The following EEFSEC variants were observed in gnomAD, a reference collection of about 807,000 sequenced individuals.
The protein encoded by EEFSEC is selenocysteine-specific elongation factor.
EEFSEC carries 43 observed loss-of-function variants against 42.1 expected under a neutral mutation model. The observed-to-expected ratio is 1.02, with a 90% confidence interval of 0.80 to 1.32. The LOEUF (loss-of-function observed/expected upper bound fraction) is 1.32. Ranked by LOEUF, EEFSEC falls within the 40% of genes most tolerant of loss-of-function variation. The pLI, the probability that EEFSEC is intolerant of heterozygous loss-of-function variation, is 0.00. For synonymous variants in EEFSEC, 354 were observed against 339.1 expected (o/e 1.04, Z -0.48); for missense variants, 745 against 803.6 (o/e 0.93, Z 0.88).
chr3:128,363,134 C>T (rs542373477), intron 6 of EEFSEC, among the ~76,000 whole-genome samples: 33 of 152,322 alleles, frequency 2.2e-4, no homozygotes, highest in African/African-American at 7.7e-4. Context: ...CGCTGTACAG[C>T]TGAGGAGACT....
intron 6 of EEFSEC, among the ~76,000 whole-genome samples, chr3:128,390,814 C>T (rs1265353229): frequency 2.0e-5 from 3 of 152,232 alleles, no homozygotes; most frequent in South Asian, 4.1e-4. Flanking sequence ...ATGATCACCC[C>T]GGCTCCATCT....
At chr3:128,253,403 T>G (rs1268911628) in intron 2 of EEFSEC, among the ~76,000 whole-genome samples, 1 of 152,174 alleles carries the variant, frequency 6.6e-6, no homozygotes, top group Non-Finnish European at 1.5e-5. Context: ...TCTGGACTCC[T>G]GCAGACCAGC....
At chr3:128,232,234 A>G (rs1473081420) in intron 1 of EEFSEC, among the ~76,000 whole-genome samples, 3 of 152,214 alleles carry the variant, frequency 2.0e-5, no homozygotes, top group Non-Finnish European at 2.9e-5. Flanking sequence ...TACTCACTGC[A>G]TGAAATAGAC....
intron 4 of EEFSEC, among the ~76,000 whole-genome samples, chr3:128,278,679 C>T (rs909911375): frequency 2.6e-5 from 4 of 152,200 alleles, no homozygotes; most frequent in Admixed American, 6.5e-5. Flanking sequence ...GTTATAATTC[C>T]GATGCTTTAA....
chr3:128,368,444 C>CAAAA (rs531725881), intron 6 of EEFSEC, among the ~76,000 whole-genome samples: 1 of 46,468 alleles, frequency 2.2e-5, no homozygotes, highest in African/African-American at 1.1e-4. Flanking sequence ...CCAAAAAAAA[C>CAAAA]AAAAAAAAAA....
chr3:128,260,285 CTT>C lies in EEFSEC; in HGVS notation c.525-1841_525-1840del, dbSNP rs202060068. Among the ~76,000 whole-genome samples the C allele has an allele frequency of 4.6e-3, 694 of 152,264 alleles. 4 individuals are homozygous for C. Among genetic ancestry groups the C allele is most frequent in the African/African-American group, 0.015 (609 of 41,524 alleles). On this transcript the variant is annotated intron_variant, in intron 2 of 6. Transcript: ENST00000254730. ...TCTTTCTTGATGGCTTCAAGATTCT[CTT>C]TGTCTTTGGCCTTCAACAGTTAGAT...
intron 4 of EEFSEC, among the ~76,000 whole-genome samples, chr3:128,326,924 G>A (rs2067069842): frequency 6.6e-6 from 1 of 152,180 alleles, no homozygotes; most frequent in African/African-American, 2.4e-5. Context: ...CCAAACCCTT[G>A]TTCTATGCGC....
At chr3:128,204,883 C>A (rs2065677103) in intron 1 of EEFSEC, among the ~76,000 whole-genome samples, 1 of 152,142 alleles carries the variant, frequency 6.6e-6, no homozygotes, top group Admixed American at 6.5e-5. Context: ...TTATAAAAGA[C>A]TTATTTACCT....
At chr3:128,280,559 C>G (rs2066514980) in intron 4 of EEFSEC, among the ~76,000 whole-genome samples, 1 of 152,166 alleles carries the variant, frequency 6.6e-6, no homozygotes, top group African/African-American at 2.4e-5. Context: ...ATGGGCCCCT[C>G]CTCCTGGCCC....
chr3:128,381,285 G>A (rs1212864452), intron 6 of EEFSEC, among the ~76,000 whole-genome samples: 1 of 152,222 alleles, frequency 6.6e-6, no homozygotes, highest in African/African-American at 2.4e-5. Context: ...AAGAGGAAAT[G>A]GGAAGCAAGT....
chr3:128,332,475 G>A (rs973069140), intron 4 of EEFSEC, among the ~76,000 whole-genome samples: 11 of 152,134 alleles, frequency 7.2e-5, no homozygotes, highest in Non-Finnish European at 1.6e-4. Context: ...TTTTTGAGAC[G>A]GAGTCTCGCT....
rs1179358608 is a variant in EEFSEC at position 128,341,443 on chromosome 3, G to A, written c.997G>A (p.Ala333Thr). 6.2e-7 allele frequency: 1 copy of A among 1,614,146 alleles called. No homozygotes were observed. The change falls in exon 5 of 7, where the codon GCC (alanine) becomes ACC (threonine). Residue 333 changes from alanine (A) to threonine (T), a missense_variant. By Grantham distance (58) the Ala-to-Thr change is moderately conservative. Transcript: ENST00000254730. ...PYFRGPLQTK[A>T]KFHITVGHET... ...TTTCCGGGGGCCCCTGCAAACCAAG[G>A]CCAAGTTCCACATTACAGTGGGCCA... is the stretch of plus-strand genomic sequence containing the variant.
intron 1 of EEFSEC, among the ~76,000 whole-genome samples, chr3:128,227,042 T>TGCTTGCTTGGG (rs2065915014): frequency 6.6e-6 from 1 of 152,194 alleles, no homozygotes; most frequent in Non-Finnish European, 1.5e-5. Context: ...TCCCTCTGGT[T>TGCTTGCTTGGG]GCTTGCTTGG....
At chr3:128,306,511 T>A (rs554237100) in intron 4 of EEFSEC, among the ~76,000 whole-genome samples, 1 of 152,256 alleles carries the variant, frequency 6.6e-6, no homozygotes, top group African/African-American at 2.4e-5. Context: ...TTCTATTTGT[T>A]AACGTAATCT....
chr3:128,220,584 C>T (rs929744138), intron 1 of EEFSEC, among the ~76,000 whole-genome samples: 2 of 152,178 alleles, frequency 1.3e-5, no homozygotes, highest in Non-Finnish European at 2.9e-5. Flanking sequence ...GATTCCTCCA[C>T]ATGCAAGAAG....
the EEFSEC span, among the ~76,000 whole-genome samples, chr3:128,426,188 G>T: frequency 6.6e-6 from 1 of 152,218 alleles, no homozygotes; most frequent in East Asian, 1.9e-4. Flanking sequence ...AACCCGGCGG[G>T]ACTCATGGAA....
intron 4 of EEFSEC, among the ~76,000 whole-genome samples, chr3:128,339,808 G>A (rs528923740): frequency 3.0e-4 from 45 of 152,274 alleles, no homozygotes; most frequent in Middle Eastern, 3.4e-3. Flanking sequence ...ACAGTTCTGC[G>A]TGGCTGAGGA....
intron 1 of EEFSEC, among the ~76,000 whole-genome samples, chr3:128,155,964 C>G (rs1018082180): frequency 2.6e-5 from 4 of 152,192 alleles, no homozygotes; most frequent in Non-Finnish European, 4.4e-5. Context: ...TCCCTGCCCC[C>G]TTATAACTGA....
intron 4 of EEFSEC, among the ~76,000 whole-genome samples, chr3:128,308,988 G>A (rs940466363): frequency 2.0e-5 from 3 of 152,212 alleles, no homozygotes; most frequent in Non-Finnish European, 4.4e-5. Flanking sequence ...TGAAAATTGA[G>A]GTGTTTCAAC....
Sources: gnomAD v4.1 joint callset for allele counts (sites outside exome capture counted in the v4.1 genomes callset) on GRCh38, gnomAD v4.1.1 for gene constraint, MANE v1.5 for transcripts, NCBI Gene and HGNC (gene_info 2026-07-23, HGNC 2026-07-21) for gene names.